Variants in YBEY observed in about 807,000 individuals in gnomAD.
The protein encoded by YBEY is endoribonuclease YbeY.
A neutral mutation model predicts 13.5 loss-of-function variants in YBEY; 15 were observed. That is an observed-to-expected ratio of 1.11 (90% confidence interval 0.75 to 1.72). The LOEUF (loss-of-function observed/expected upper bound fraction) is 1.72. Ranked by LOEUF, YBEY falls within the 40% of genes most tolerant of loss-of-function variation. YBEY has a pLI of 0.00. For missense variants in YBEY, 244 were observed against 208.4 expected (o/e 1.17, Z -1.05); for synonymous variants, 101 against 83.1 (o/e 1.21, Z -1.17).
intron 2 of YBEY, among the ~76,000 whole-genome samples, chr21:46,289,734 G>C (rs890277798): frequency 2.0e-5 from 3 of 152,060 alleles, no homozygotes; most frequent in Admixed American, 6.6e-5. Context: ...GATTACAGGC[G>C]TGAGCCACTG....
chr21:46,298,434 C>CTTTTTTTTTTT (rs557264546), downstream of YBEY, among the ~76,000 whole-genome samples: 317 of 97,144 alleles, frequency 3.3e-3, 60 homozygotes, highest in African/African-American at 9.8e-3. Flanking sequence ...TTAATCCAAG[C>CTTTTTTTTTTT]TTTTTTTTTT....
rs2081944547 is a variant in YBEY at position 46,296,148 on chromosome 21, A to C, written c.340-14A>C. 2 of 1,613,666 alleles carry C rather than the reference A, an allele frequency of 1.2e-6. No homozygotes were observed. Among genetic ancestry groups the C allele is most frequent in the African/African-American group, 2.7e-5 (2 of 75,028 alleles). Reference sequence around the variant, plus strand: ...GGGGTCATCCTCTGAGCCGGTTTAAAATTATTCTGACAGGTGACGGCCACC... The same window carrying C: ...GGGGTCATCCTCTGAGCCGGTTTAACATTATTCTGACAGGTGACGGCCACC... On this transcript the variant is annotated splice_polypyrimidine_tract_variant and intron_variant, in intron 3 of 4. Coordinates refer to ENST00000397701, the MANE Select transcript of YBEY (RefSeq NM_001314025.2).
downstream of YBEY, chr21:46,302,382 C>A (rs1480357414): frequency 1.3e-5 from 14 of 1,098,934 alleles, no homozygotes; most frequent in East Asian, 3.1e-4. Context: ...AGACCTGAGC[C>A]AGGAATGCCC....
chr21:46,305,561 C>T, the YBEY span, among the ~76,000 whole-genome samples: 1 of 152,048 alleles, frequency 6.6e-6, no homozygotes, highest in Non-Finnish European at 1.5e-5. Flanking sequence ...AACTCCTAGG[C>T]TCAAGTGATC....
chr21:46,294,248 A>G (rs868053745), intron 3 of YBEY, among the ~76,000 whole-genome samples: 2 of 73,168 alleles, frequency 2.7e-5, no homozygotes, highest in African/African-American at 4.9e-5. Flanking sequence ...GACTCAGTGG[A>G]GTCAGCCACG....
chr21:46,299,337 G>A (rs532691708), downstream of YBEY, among the ~76,000 whole-genome samples: 79 of 152,230 alleles, frequency 5.2e-4, no homozygotes, highest in African/African-American at 1.4e-3. Flanking sequence ...AGAGCCGCCC[G>A]TGGCCCAGGC....
intron 2 of YBEY, among the ~76,000 whole-genome samples, chr21:46,289,231 T>C (rs2081593105): frequency 6.6e-6 from 1 of 152,110 alleles, no homozygotes; most frequent in African/African-American, 2.4e-5. Context: ...ATGATTTAAC[T>C]CTGTAGAAGT....
At chr21:46,310,509 A>C in the YBEY span, among the ~76,000 whole-genome samples, 6 of 144,672 alleles carry the variant, frequency 4.1e-5, no homozygotes, top group South Asian at 4.3e-4. Flanking sequence ...AAAAAAAAAA[A>C]CAAAACTTGT....
chr21:46,299,539 T>C (rs1220022640), downstream of YBEY, among the ~76,000 whole-genome samples: 2 of 152,096 alleles, frequency 1.3e-5, no homozygotes, highest in Non-Finnish European at 2.9e-5. Context: ...ACCCGGCCCT[T>C]CACGTTCTGT....
chr21:46,302,306 A>G (rs1052637953), downstream of YBEY: 2 of 1,329,244 alleles, frequency 1.5e-6, no homozygotes, highest in Non-Finnish European at 2.0e-6. Flanking sequence ...CCCGCCCCAA[A>G]TTGTGCAACC....
downstream of YBEY, among the ~76,000 whole-genome samples, chr21:46,299,220 G>C (rs2082049457): frequency 6.6e-6 from 1 of 151,974 alleles, no homozygotes; most frequent in African/African-American, 2.4e-5. Context: ...GATCCGCCTA[G>C]GCCTCCCAAA....
Position 46,287,128 on chromosome 21 carries a change from A to AAAAAAG in YBEY, c.210+10_210+11insGAAAAA, listed in dbSNP as rs2145748154. The stretch of plus-strand genomic sequence containing the variant: ...CTTTCTTTTCCATTTCATGAGGTAA[A>AAAAAAG]AAAAAAATGTTCCTCTTCTTGTCTA... On this transcript the variant is annotated splice_donor_region_variant and intron_variant, in intron 2 of 4. Transcript: ENST00000397701. 6.3e-7 allele frequency: 1 copy of AAAAAAG among 1,591,170 alleles called. No individual in the cohort carries two copies.
At chr21:46,301,456 G>A, downstream of YBEY, 1 of 961,304 alleles carries the variant, frequency 1.0e-6, no homozygotes, top group Non-Finnish European at 1.2e-6. Context: ...TTCTTTAGTG[G>A]GAGTCTGTGC....
At chr21:46,306,281 G>C in the YBEY span, among the ~76,000 whole-genome samples, 3 of 152,120 alleles carry the variant, frequency 2.0e-5, no homozygotes, top group African/African-American at 7.2e-5. Context: ...GGCTGAGGAG[G>C]GTGGATCATG....
At chr21:46,297,501 C>T (rs1238317177) in intron 4 of YBEY, 38 bp from the exon 5 acceptor site, 1 of 1,344,496 alleles carries the variant, frequency 7.4e-7, no homozygotes, top group Non-Finnish European at 9.6e-7. Context: ...GCGCGGACAC[C>T]TTCCCTGGGG....
rs867204617 is a variant in YBEY at position 46,295,827 on chromosome 21, G to T, written c.340-335G>T. On this transcript the variant is annotated intron_variant, in intron 3 of 4. Transcript: ENST00000397701. ...CGGTGCCCCACTGCCCCACCACCCC[G>T]TGGCACCCACCCCTCCCCACTTCTT... Among the ~76,000 whole-genome samples, 14 of 86,276 alleles carry T rather than the reference G, an allele frequency of 1.6e-4. No individual in the cohort carries two copies. In the Admixed American group the frequency reaches 1.7e-3, roughly 10 times the overall value. 56.6% of individuals were successfully genotyped at this position (86,276 alleles called of 152,430 possible).
At chr21:46,307,614 T>G in the YBEY span, among the ~76,000 whole-genome samples, 1 of 152,158 alleles carries the variant, frequency 6.6e-6, no homozygotes, top group Non-Finnish European at 1.5e-5. Context: ...TGGATCACAA[T>G]AGGAAAGGTA....
the YBEY span, among the ~76,000 whole-genome samples, chr21:46,304,322 G>A: frequency 6.6e-6 from 1 of 151,828 alleles, no homozygotes; most frequent in African/African-American, 2.4e-5. Flanking sequence ...GAGCCACTGC[G>A]CCTGCCCTAC....
chr21:46,291,704 A>G, intron 3 of YBEY: 9 of 1,283,500 alleles, frequency 7.0e-6, no homozygotes, highest in Non-Finnish European at 8.9e-6. Flanking sequence ...AAGCCTTCTC[A>G]GCTTTTATCT....
Sources: gnomAD v4.1 joint callset for allele counts (sites outside exome capture counted in the v4.1 genomes callset) on GRCh38, gnomAD v4.1.1 for gene constraint, MANE v1.5 for transcripts, NCBI Gene and HGNC (gene_info 2026-07-23, HGNC 2026-07-21) for gene names.